The following RAI1 variants were observed in gnomAD, a reference collection of about 807,000 sequenced individuals.
The protein encoded by RAI1 is retinoic acid induced 1.
A neutral mutation model predicts 123.8 loss-of-function variants in RAI1; 9 were observed. The observed-to-expected ratio is 0.07, with a 90% CI of 0.04 to 0.13. The LOEUF (loss-of-function observed/expected upper bound fraction) is 0.13, where lower values mean the gene tolerates loss of function less well. Among genes scored for constraint, RAI1 ranks in the 10% least tolerant of loss-of-function variants. The pLI, the probability that RAI1 is intolerant of heterozygous loss-of-function variation, is 1.00. For synonymous variants in RAI1, 1,231 were observed against 1,127.3 expected, an observed-to-expected ratio of 1.09 and a Z score of -1.84; for missense variants, 2,256 against 2,545.8, an observed-to-expected ratio of 0.89 and a Z score of 2.45.
chr17:17,694,298 G>GC (rs1314698661), intron 1 of RAI1, among the ~76,000 whole-genome samples: 1 of 152,162 alleles, frequency 6.6e-6, no homozygotes, highest in African/African-American at 2.4e-5. Flanking sequence ...GAACCAAACT[G>GC]CCCCCTCCTC....
At chr17:17,733,933 C>T (rs1916345781) in intron 2 of RAI1, among the ~76,000 whole-genome samples, 1 of 152,156 alleles carries the variant, frequency 6.6e-6, no homozygotes, top group Non-Finnish European at 1.5e-5. Flanking sequence ...CCACCCAATG[C>T]AAAGGTCTGG....
intron 2 of RAI1, among the ~76,000 whole-genome samples, chr17:17,780,769 T>G (rs182185011): frequency 1.3e-5 from 2 of 152,302 alleles, no homozygotes; most frequent in Admixed American, 1.3e-4. Flanking sequence ...TTTCCAGATA[T>G]GAGGGAAGTC....
chr17:17,803,813 C>T lies in RAI1; in HGVS notation c.5623C>T (p.Leu1875Phe), dbSNP rs766655410. ...ATIGCCHKGC[L>F]HTYHYPCASD... Reference sequence around the variant, plus strand: ...CATTGGGTGCTGCCACAAAGGATGCCTCCACACCTACCACTACCCGTGTGC... The same window carrying T: ...CATTGGGTGCTGCCACAAAGGATGCTTCCACACCTACCACTACCCGTGTGC... Residue 1875 changes from leucine (L) to phenylalanine (F), a missense_variant, in exon 4 of 6, where the codon CTC (leucine) becomes TTC (phenylalanine). Leu to Phe is a conservative substitution (Grantham distance 22). This residue lies in a region of RAI1 where 243 missense variants were observed against 316.6 expected (regional missense o/e 0.77). Transcript: ENST00000353383. The T allele has an allele frequency of 3.7e-6, 6 of 1,613,582 alleles. No individual in the cohort carries two copies. In the East Asian group the frequency reaches 1.3e-4, roughly 36 times the overall value.
At chr17:17,802,227 G>A in intron 3 of RAI1, 3 of 463,768 alleles carry the variant, frequency 6.5e-6, no homozygotes, top group South Asian at 4.7e-5. Flanking sequence ...GAGGAGGACG[G>A]CATCAGATTT....
At chr17:17,807,249 TGGG>T in intron 4 of RAI1, among the ~76,000 whole-genome samples, 1 of 6,746 alleles carries the variant, frequency 1.5e-4, no homozygotes, top group South Asian at 4.5e-3. Flanking sequence ...AGCCAGGCGG[TGGG>T]GGGGGCGGGG....
intron 2 of RAI1, among the ~76,000 whole-genome samples, chr17:17,731,286 A>G (rs1302531977): frequency 1.3e-5 from 2 of 152,180 alleles, no homozygotes; most frequent in Non-Finnish European, 2.9e-5. Context: ...GTGTCTGCTG[A>G]TGGCGCCAAG....
intron 1 of RAI1, among the ~76,000 whole-genome samples, chr17:17,691,680 C>G (rs1212390910): frequency 6.6e-6 from 1 of 152,102 alleles, no homozygotes; most frequent in Non-Finnish European, 1.5e-5. Flanking sequence ...TCGGGGGGCC[C>G]AGGAAGTGGC....
chr17:17,734,887 C>T (rs898372355), intron 2 of RAI1, among the ~76,000 whole-genome samples: 1 of 152,200 alleles, frequency 6.6e-6, no homozygotes, highest in African/African-American at 2.4e-5. Context: ...GGCCCCATTC[C>T]CCAAGAACAG....
At chr17:17,734,279 A>T (rs1159166722) in intron 2 of RAI1, among the ~76,000 whole-genome samples, 2 of 148,492 alleles carry the variant, frequency 1.3e-5, no homozygotes, top group South Asian at 2.1e-4. Context: ...TCTCTCTACA[A>T]TTTTTTTTTT....
In RAI1 at chr17:17,800,180, G is replaced by GTGTCTCTC. The variant is rs1407505001; in HGVS notation, c.5565+1668_5565+1669insGTCTCTCT. Among the ~76,000 whole-genome samples the GTGTCTCTC allele has an allele frequency of 1.1e-4, 13 of 116,400 alleles. No individual in the cohort carries two copies. The highest frequency in any genetic ancestry group is 3.9e-4 in the African/African-American group (13 of 33,446). 76.4% of individuals were successfully genotyped at this position (116,400 alleles called of 152,430 possible). A position where few individuals can be genotyped will look rare whatever the true frequency, so the allele number is the denominator to read the frequency against. On this transcript the variant is annotated intron_variant, in intron 3 of 5. Transcript: ENST00000353383. This position sits in a 1 kb window ranked among gnomAD's most constrained non-coding sequence, Gnocchi z 4.7. ...TCTCTCCTGCTTTCTGTCTCTCTCTGTCTCTCTCTCTCTCTCTCTCTCTCT... is the reference window on the plus strand; with the variant it reads ...TCTCTCCTGCTTTCTGTCTCTCTCTGTGTCTCTCTCTCTCTCTCTCTCTCTCTCTCTCT...
intron 1 of RAI1, among the ~76,000 whole-genome samples, chr17:17,713,287 A>ACCTGCCCAGGAGT (rs1171118065): frequency 3.3e-5 from 5 of 152,132 alleles, no homozygotes; most frequent in Admixed American, 1.3e-4. Flanking sequence ...CAGGTGAATC[A>ACCTGCCCAGGAGT]CCTAAGCCCA....
chr17:17,775,402 T>A (rs942097112), intron 2 of RAI1, among the ~76,000 whole-genome samples: 15 of 151,870 alleles, frequency 9.9e-5, no homozygotes, highest in African/African-American at 3.4e-4. Context: ...TGGGGTCTCA[T>A]CATGTCACCC....
At chr17:17,696,197 A>G (rs1915025451) in intron 1 of RAI1, among the ~76,000 whole-genome samples, 1 of 152,252 alleles carries the variant, frequency 6.6e-6, no homozygotes, top group Non-Finnish European at 1.5e-5. Flanking sequence ...TACTTTCTGT[A>G]GATGTATGAT....
At chr17:17,729,739 A>G (rs374190933) in intron 2 of RAI1, among the ~76,000 whole-genome samples, 2 of 152,222 alleles carry the variant, frequency 1.3e-5, no homozygotes, top group Admixed American at 6.5e-5. Context: ...GTGTGTTGCC[A>G]CAGGCCTTGG....
intron 1 of RAI1, among the ~76,000 whole-genome samples, chr17:17,688,498 TAAAC>T (rs1482275355): frequency 2.0e-5 from 3 of 151,566 alleles, no homozygotes; most frequent in Admixed American, 1.3e-4. Context: ...GATAAATAAA[TAAAC>T]AAAATGAGGA....
At chr17:17,753,806 C>G (rs2030314424) in intron 2 of RAI1, among the ~76,000 whole-genome samples, 1 of 152,232 alleles carries the variant, frequency 6.6e-6, no homozygotes, top group Admixed American at 6.5e-5. Flanking sequence ...TCTCCAGGCT[C>G]TAGAAAGTCT....
Position 17,808,414 on chromosome 17 carries a change from A to ATTATTTTATTTTATTTTATTTTATT in RAI1, c.5660-954_5660-930dup, listed in dbSNP as rs71155304. The stretch of plus-strand genomic sequence containing the variant: ...ATTTTATTTTATTTTATTTTATTTT[A>ATTATTTTATTTTATTTTATTTTATT]TTATTTTATTTTATTTTATTTTATT... On this transcript the variant is annotated intron_variant, in intron 4 of 5. Transcript: ENST00000353383. 4.0e-4 allele frequency among the ~76,000 whole-genome samples: 50 copies of ATTATTTTATTTTATTTTATTTTATT among 125,892 alleles called. 1 individual carries two copies. Among genetic ancestry groups the ATTATTTTATTTTATTTTATTTTATT allele is most frequent in the African/African-American group, 1.6e-3 (49 of 30,966 alleles). The allele number at this position is 125,892 out of a possible 152,430, so 82.6% of individuals were successfully genotyped here.
chr17:17,772,268 G>GACATTTCT (rs2031190105), intron 2 of RAI1, among the ~76,000 whole-genome samples: 1 of 152,124 alleles, frequency 6.6e-6, no homozygotes. Flanking sequence ...CTCTGTTCCT[G>GACATTTCT]ACATTTCTAG....
At position 17,804,667 on chromosome 17, in the gene RAI1, C is replaced by T. The variant is rs116352369; in HGVS notation, c.5659+818C>T. On this transcript the variant is annotated intron_variant, in intron 4 of 5. Coordinates refer to ENST00000353383, the MANE Select transcript of RAI1 (RefSeq NM_030665.4). The stretch of plus-strand genomic sequence containing the variant: ...TAGTGGTGGGGGGTGGGGTGGTTTT[C>T]GTTCTTGTTTGAGACAGAGTTTTGC... Among the ~76,000 whole-genome samples, 1,315 of 152,044 alleles carry T rather than the reference C, an allele frequency of 8.6e-3. 23 individuals are homozygous for T. Among genetic ancestry groups the T allele is most frequent in the African/African-American group, 0.03 (1,239 of 41,462 alleles).
Sources: gnomAD v4.1 joint callset for allele counts (sites outside exome capture counted in the v4.1 genomes callset) on GRCh38, gnomAD v4.1.1 for gene constraint, gnomAD v4.1.1 regional missense constraint, Gnocchi (gnomAD v3.1) non-coding constraint, MANE v1.5 for transcripts, NCBI Gene and HGNC (gene_info 2026-07-23, HGNC 2026-07-21) for gene names.